Variants in JAK1 observed in about 807,000 individuals in gnomAD.
JAK1 encodes tyrosine-protein kinase JAK1.
JAK1 carries 16 observed loss-of-function variants against 136.6 expected under a neutral mutation model. The ratio of observed to expected loss-of-function variants is 0.12; its 90% CI spans 0.08 to 0.18. The LOEUF is 0.18. Ranked by LOEUF, JAK1 falls within the 10% of genes least tolerant of loss-of-function variation. JAK1 has a pLI of 1.00. For missense variants in JAK1, 859 were observed against 1,450.1 expected (o/e 0.59, Z 6.62); for synonymous variants, 492 against 519.5 (o/e 0.95, Z 0.72).
chr1:64,865,008 C>T, intron 7 of JAK1, 36 bp from the exon 8 acceptor site: 3 of 1,539,228 alleles, frequency 1.9e-6, no homozygotes, highest in Non-Finnish European at 2.7e-6. Flanking sequence ...GGTTAAGTTG[C>T]TTTCTTCATT....
At chr1:64,955,270 C>G (rs1470516950) in intron 1 of JAK1, among the ~76,000 whole-genome samples, 3 of 152,148 alleles carry the variant, frequency 2.0e-5, no homozygotes, top group African/African-American at 7.2e-5. Flanking sequence ...AACAGAAGCA[C>G]AGACCAGAAC....
upstream of JAK1, among the ~76,000 whole-genome samples, chr1:64,969,252 G>A (rs1402878168): frequency 1.3e-5 from 2 of 151,912 alleles, no homozygotes; most frequent in African/African-American, 4.8e-5. Flanking sequence ...ATCACCCTAG[G>A]GCAAGGGCTC....
At chr1:64,848,264 G>A (rs1655366881) in intron 12 of JAK1, among the ~76,000 whole-genome samples, 1 of 152,240 alleles carries the variant, frequency 6.6e-6, no homozygotes, top group African/African-American at 2.4e-5. Flanking sequence ...ACGGGGGGAT[G>A]CGTAGAAACC....
At chr1:64,968,102 A>T (rs1646413848), upstream of JAK1, among the ~76,000 whole-genome samples, 1 of 152,094 alleles carries the variant, frequency 6.6e-6, no homozygotes. Flanking sequence ...ATGAAGGGAG[A>T]CAGAGACGTG....
At chr1:64,980,919 G>A (rs1646539600) in intron 2 of JAK1, among the ~76,000 whole-genome samples, 1 of 152,224 alleles carries the variant, frequency 6.6e-6, no homozygotes, top group South Asian at 2.1e-4. Context: ...ATTTTTTATG[G>A]CTGCATAGTA....
chr1:64,881,200 T>A (rs1165746201), intron 3 of JAK1, among the ~76,000 whole-genome samples: 1 of 151,278 alleles, frequency 6.6e-6, no homozygotes, highest in East Asian at 2.0e-4. Context: ...AGGTCACAGT[T>A]ATAGTGAGCT....
intron 1 of JAK1, among the ~76,000 whole-genome samples, chr1:65,050,933 CTT>C (rs1034049901): frequency 1.3e-4 from 20 of 152,308 alleles, no homozygotes; most frequent in African/African-American, 3.6e-4. Context: ...CTCTTCTACT[CTT>C]TGAGGATTTC....
Position 64,898,806 on chromosome 1 carries a change from A to G in JAK1, c.-77-12465T>C, listed in dbSNP as rs1275769599. ...ATGTCCAGCCAGGTGCTCCCTGAACATTTCTGGGCCTGGCCAAAACTGTGC... is the reference window on the plus strand; with the variant it reads ...ATGTCCAGCCAGGTGCTCCCTGAACGTTTCTGGGCCTGGCCAAAACTGTGC... On this transcript the variant is annotated intron_variant, in intron 1 of 24. Transcript: ENST00000342505. 2.6e-5 allele frequency among the ~76,000 whole-genome samples: 4 copies of G among 152,202 alleles called. No homozygotes were observed. The South Asian group carries it at 8.3e-4, about 32-fold the overall frequency.
At chr1:64,885,385 C>T (rs310198) in intron 2 of JAK1, among the ~76,000 whole-genome samples, 32,156 of 152,066 alleles carry the variant, frequency 0.21, 4,708 homozygotes, top group African/African-American at 0.41. Context: ...GACAGTGTTG[C>T]ACCCTCTAAC....
intron 1 of JAK1, among the ~76,000 whole-genome samples, chr1:65,053,030 C>CA (rs780968006): frequency 0.022 from 947 of 43,684 alleles, 51 homozygotes; most frequent in African/African-American, 0.066. Context: ...ACTCTTGTCT[C>CA]AAAAAAAAAA....
At chr1:64,963,371 C>A (rs1213462438) in intron 1 of JAK1, among the ~76,000 whole-genome samples, 1 of 151,988 alleles carries the variant, frequency 6.6e-6, no homozygotes, top group East Asian at 1.9e-4. Context: ...AGTGAATTCT[C>A]CTTATTGTTA....
intron 1 of JAK1, among the ~76,000 whole-genome samples, chr1:64,939,871 T>C (rs1182918178): frequency 6.6e-6 from 1 of 152,246 alleles, no homozygotes; most frequent in Admixed American, 6.5e-5. Flanking sequence ...CTCAATACTA[T>C]TTCTTTATAA....
At position 64,931,664 on chromosome 1, in the gene JAK1, C is replaced by T. The variant is rs188291524; in HGVS notation, c.-78+34669G>A. ...AGGAGGCAATCCTTTTGTGTACAGGCTACTCCCTCTCTCCTACTCTCCCAT... is the reference window on the plus strand; with the variant it reads ...AGGAGGCAATCCTTTTGTGTACAGGTTACTCCCTCTCTCCTACTCTCCCAT... On this transcript the variant is annotated intron_variant, in intron 1 of 24. Coordinates refer to ENST00000342505, the MANE Select transcript of JAK1 (RefSeq NM_002227.4). Among the ~76,000 whole-genome samples the T allele has an allele frequency of 8.9e-4, 135 of 152,238 alleles. 1 individual carries two copies. The highest frequency in any genetic ancestry group is 3.2e-3 in the African/African-American group (132 of 41,536).
At chr1:64,939,957 A>AT (rs1237381431) in intron 1 of JAK1, among the ~76,000 whole-genome samples, 2 of 152,224 alleles carry the variant, frequency 1.3e-5, no homozygotes, top group Non-Finnish European at 2.9e-5. Flanking sequence ...CACATAAAAT[A>AT]TGAGTTCCCC....
intron 2 of JAK1, among the ~76,000 whole-genome samples, chr1:65,014,932 G>A (rs1248709653): frequency 3.9e-5 from 6 of 152,100 alleles, no homozygotes; most frequent in South Asian, 2.1e-4. Flanking sequence ...TGATCCACCC[G>A]CCTCGGCCTC....
chr1:64,900,752 C>A (rs1645092107), intron 1 of JAK1, among the ~76,000 whole-genome samples: 1 of 152,202 alleles, frequency 6.6e-6, no homozygotes, highest in Non-Finnish European at 1.5e-5. Flanking sequence ...GTATCATGCT[C>A]TAAAACTCTT....
chr1:64,860,287 C>A (rs310224), intron 8 of JAK1, 25 bp from the exon 9 acceptor site: 1 of 1,580,436 alleles, frequency 6.3e-7, no homozygotes, highest in Non-Finnish European at 8.6e-7. Flanking sequence ...GAAATTCCCA[C>A]GGTTACATCA....
At chr1:64,960,876 T>C (rs1470352547) in intron 1 of JAK1, among the ~76,000 whole-genome samples, 4 of 152,212 alleles carry the variant, frequency 2.6e-5, no homozygotes, top group East Asian at 3.9e-4. Flanking sequence ...TGATGATCAT[T>C]ACCAATACCA....
chr1:64,878,998 C>T (rs374865409), intron 4 of JAK1, 27 bp downstream of exon 4: 1 of 1,612,554 alleles, frequency 6.2e-7, no homozygotes, highest in Non-Finnish European at 8.5e-7. Flanking sequence ...GGGAGCCAGG[C>T]AGGTACCAGG....
Sources: gnomAD v4.1 joint callset for allele counts (sites outside exome capture counted in the v4.1 genomes callset) on GRCh38, gnomAD v4.1.1 for gene constraint, MANE v1.5 for transcripts, NCBI Gene and HGNC (gene_info 2026-07-23, HGNC 2026-07-21) for gene names.